Variants in PSD3 observed in about 807,000 individuals in gnomAD.
The protein encoded by PSD3 is PH and SEC7 domain-containing protein 3.
PSD3 carries 49 observed loss-of-function variants against 105.5 expected under a neutral mutation model. The ratio of observed to expected loss-of-function variants is 0.46; its 90% confidence interval spans 0.37 to 0.59. PSD3 has a LOEUF of 0.59. Ranked by LOEUF, PSD3 falls within the 20% of genes least tolerant of loss-of-function variation. The pLI is 0.00. For missense variants in PSD3, 1,561 were observed against 1,263.8 expected, an observed-to-expected ratio of 1.24 and a Z score of -3.57; for synonymous variants, 557 against 457.8, an observed-to-expected ratio of 1.22 and a Z score of -2.77.
chr8:18,660,066 C>A (rs1355672439), intron 9 of PSD3, among the ~76,000 whole-genome samples: 1 of 152,126 alleles, frequency 6.6e-6, no homozygotes, highest in Non-Finnish European at 1.5e-5. Context: ...GTCCCAATCT[C>A]TAGAACTTGT....
At position 18,910,637 on chromosome 8, in the gene PSD3, TAAA is replaced by T. The variant is rs34392783; in HGVS notation, c.130+25394_130+25396del. Among the ~76,000 whole-genome samples the T allele has an allele frequency of 7.2e-3, 696 of 97,144 alleles. 2 individuals carry two copies. Among genetic ancestry groups the T allele is most frequent in the African/African-American group, 0.025 (630 of 25,676 alleles). 63.7% of individuals were successfully genotyped at this position (97,144 alleles called of 152,430 possible). The stretch of plus-strand genomic sequence containing the variant: ...ATGTACCCTAAAACTTAGAGTATAA[TAAA>T]AAAAAAAAAAAAAAAAAAAGAAAAG... On this transcript the variant is annotated intron_variant, in intron 2 of 15. Coordinates refer to ENST00000327040, the MANE Select transcript of PSD3 (RefSeq NM_015310.4).
intron 8 of PSD3, among the ~76,000 whole-genome samples, chr8:18,780,055 T>C (rs1808458751): frequency 6.6e-6 from 1 of 152,204 alleles, no homozygotes; most frequent in African/African-American, 2.4e-5. Context: ...TTGGACTCAG[T>C]CTCTCCCTTT....
intron 9 of PSD3, among the ~76,000 whole-genome samples, chr8:18,672,250 T>G (rs1799826013): frequency 6.6e-6 from 1 of 152,114 alleles, no homozygotes; most frequent in Non-Finnish European, 1.5e-5. Flanking sequence ...TCAATTATAT[T>G]TAATAACTAT....
chr8:18,704,887 T>A (rs1296789106), intron 9 of PSD3, among the ~76,000 whole-genome samples: 1 of 151,398 alleles, frequency 6.6e-6, no homozygotes, highest in Non-Finnish European at 1.5e-5. Flanking sequence ...GTTTTGGAGA[T>A]CAACTAAGAA....
chr8:18,921,630 T>G (rs1215184033), intron 2 of PSD3, among the ~76,000 whole-genome samples: 1 of 152,204 alleles, frequency 6.6e-6, no homozygotes, highest in South Asian at 2.1e-4. Context: ...GCCTTGGGAA[T>G]GCTTCCTGCA....
chr8:18,998,022 G>C (rs1456156114), intron 1 of PSD3, among the ~76,000 whole-genome samples: 2 of 151,420 alleles, frequency 1.3e-5, no homozygotes, highest in Non-Finnish European at 2.9e-5. Context: ...TTTTTTGTCT[G>C]TTTTGTTGAC....
intron 15 of PSD3, 129 bp downstream of exon 15, chr8:18,556,080 A>AGCTCCCAAATTAGAGCCAGGG: frequency 9.1e-7 from 1 of 1,097,484 alleles, no homozygotes; most frequent in Middle Eastern, 2.3e-4. Context: ...CCTTGCCAGG[A>AGCTCCCAAATTAGAGCCAGGG]GCTCCCAAAT....
At chr8:18,583,896 G>C (rs1191953658) in intron 12 of PSD3, among the ~76,000 whole-genome samples, 3 of 152,092 alleles carry the variant, frequency 2.0e-5, no homozygotes, top group Non-Finnish European at 4.4e-5. Flanking sequence ...GACGGGCAAA[G>C]TCCTAATCTT....
intron 12 of PSD3, among the ~76,000 whole-genome samples, chr8:18,588,568 T>C (rs962623659): frequency 6.6e-6 from 1 of 152,214 alleles, no homozygotes; most frequent in African/African-American, 2.4e-5. Flanking sequence ...CTATTCACTC[T>C]TCATAAATGT....
intron 2 of PSD3, among the ~76,000 whole-genome samples, chr8:18,882,997 T>C (rs1023616864): frequency 2.0e-5 from 3 of 152,092 alleles, no homozygotes; most frequent in African/African-American, 7.2e-5. Flanking sequence ...TATTTGAAAG[T>C]GCTGCCCTAG....
At chr8:18,702,028 A>G (rs949327440) in intron 9 of PSD3, among the ~76,000 whole-genome samples, 10 of 152,206 alleles carry the variant, frequency 6.6e-5, no homozygotes, top group African/African-American at 2.4e-4. Flanking sequence ...TTAAGAGTGC[A>G]TTCGTTTCAG....
chr8:19,015,878 G>A (rs1827164067), upstream of PSD3, among the ~76,000 whole-genome samples: 1 of 152,252 alleles, frequency 6.6e-6, no homozygotes, highest in Admixed American at 6.5e-5. Flanking sequence ...TTTTTAATTG[G>A]TTTTATCCCT....
At chr8:18,545,067 C>G (rs1265715638) in intron 15 of PSD3, among the ~76,000 whole-genome samples, 1 of 152,156 alleles carries the variant, frequency 6.6e-6, no homozygotes, top group African/African-American at 2.4e-5. Context: ...GAAGAGTATG[C>G]AATTCCTGTT....
chr8:18,563,612 A>T lies in PSD3; in HGVS notation c.2785-7260T>A, dbSNP rs533455848. Among the ~76,000 whole-genome samples the T allele has an allele frequency of 3.3e-5, 5 of 152,322 alleles. No homozygotes were observed. The South Asian group carries it at 6.2e-4, about 19-fold the overall frequency. ...TGTTTAAGACAGCTTTAGACCTTAA[A>T]CACAGTATTTAATGAGTATAAGCAA... On this transcript the variant is annotated intron_variant, in intron 14 of 15. Transcript: ENST00000327040.
At chr8:18,574,217 A>G (rs1190653601) in intron 13 of PSD3, among the ~76,000 whole-genome samples, 1 of 152,172 alleles carries the variant, frequency 6.6e-6, no homozygotes, top group African/African-American at 2.4e-5. Flanking sequence ...AAACCACACA[A>G]ACAAACCTGA....
rs530286955 is a variant in PSD3 at position 18,680,896 on chromosome 8, C to G, written c.2173-25211G>C. Among the ~76,000 whole-genome samples the G allele has an allele frequency of 4.3e-4, 66 of 152,254 alleles. 2 individuals are homozygous for G. In the South Asian group the frequency reaches 0.012, roughly 29 times the overall value. ...CTCACTAAAATTAAAAGCAAAACTT[C>G]TAATCCTTTCCACAGTCCTTTAACA... On this transcript the variant is annotated intron_variant, in intron 9 of 15. Transcript: ENST00000327040.
At chr8:18,841,467 AACACACACACACAC>A (rs35771611) in intron 4 of PSD3, among the ~76,000 whole-genome samples, 2 of 148,142 alleles carry the variant, frequency 1.4e-5, no homozygotes, top group East Asian at 2.0e-4. Context: ...CTGCTATTTA[AACACACACACACAC>A]ACACACACAC....
chr8:18,912,273 A>C (rs1011455374), intron 2 of PSD3, among the ~76,000 whole-genome samples: 1 of 152,218 alleles, frequency 6.6e-6, no homozygotes, highest in African/African-American at 2.4e-5. Flanking sequence ...AAAGAACAAA[A>C]GAGTATTAAC....
At chr8:18,635,102 C>A (rs958048908) in intron 10 of PSD3, among the ~76,000 whole-genome samples, 1 of 152,030 alleles carries the variant, frequency 6.6e-6, no homozygotes, top group Non-Finnish European at 1.5e-5. Flanking sequence ...TAATTTGTTG[C>A]TTAAATTTTT....
Sources: allele counts gnomAD v4.1 joint callset (sites outside exome capture counted in the v4.1 genomes callset), GRCh38; gene constraint gnomAD v4.1.1; transcripts MANE v1.5; gene names NCBI Gene and HGNC (gene_info 2026-07-23, HGNC 2026-07-21).